The following SLC45A4 variants were observed in gnomAD, a reference collection of about 807,000 sequenced individuals.
SLC45A4 encodes solute carrier family 45 member 4.
Under a neutral mutation model 63.7 loss-of-function variants are expected in SLC45A4, and 32 were observed. The ratio of observed to expected loss-of-function variants is 0.50; its 90% confidence interval spans 0.38 to 0.67. The LOEUF (loss-of-function observed/expected upper bound fraction) is 0.67. Ranked by LOEUF, SLC45A4 falls within the 30% of genes least tolerant of loss-of-function variation. The pLI is 0.00. For synonymous variants in SLC45A4, 535 were observed against 510.0 expected (o/e 1.05, Z -0.66); for missense variants, 1,027 against 1,157.7 (o/e 0.89, Z 1.64).
chr8:141,234,329 G>GGCCA (rs1827511386), intron 2 of SLC45A4, among the ~76,000 whole-genome samples: 1 of 152,218 alleles, frequency 6.6e-6, no homozygotes, highest in African/African-American at 2.4e-5. Context: ...TAGAGACAGA[G>GGCCA]GCCACCTCCT....
intron 1 of SLC45A4, among the ~76,000 whole-genome samples, chr8:141,301,373 T>C (rs999799452): frequency 6.6e-6 from 1 of 152,214 alleles, no homozygotes; most frequent in Non-Finnish European, 1.5e-5. Context: ...AACATTCTTC[T>C]GGATGTTAAC....
At chr8:141,223,402 A>G (rs1826778424) in intron 2 of SLC45A4, among the ~76,000 whole-genome samples, 1 of 152,178 alleles carries the variant, frequency 6.6e-6, no homozygotes, top group Admixed American at 6.5e-5. Flanking sequence ...CAGGAAGCCT[A>G]TTTCTCAGAA....
chr8:141,308,275 C>A lies in SLC45A4; in HGVS notation c.-580G>T, dbSNP rs1830966300. On this transcript the variant is annotated 5_prime_UTR_variant, in exon 1 of 9. Coordinates refer to ENST00000517878, the MANE Select transcript of SLC45A4 (RefSeq NM_001286646.2). ...GTCAGCGACGCGGGCGCGGAGAGAGCGCTGCGAGGCTGCGGCCGGCGCGCG... is the reference window on the plus strand; with the variant it reads ...GTCAGCGACGCGGGCGCGGAGAGAGAGCTGCGAGGCTGCGGCCGGCGCGCG... 1 of 147,390 alleles carries A rather than the reference C, an allele frequency of 6.8e-6. No individual in the cohort carries two copies. The allele number at this position is 147,390 out of a possible 1,614,324, so 9.1% of individuals were successfully genotyped here.
Position 141,256,577 on chromosome 8 carries a change from G to C in SLC45A4, c.-400-1948C>G. ...GTACAGGAGGTTCTGGAAGGAAGCC[G>C]TGCGCCTGGCTCTTACGTCCCAGCT... is the stretch of plus-strand genomic sequence containing the variant. On this transcript the variant is annotated intron_variant, in intron 1 of 8. Transcript: ENST00000517878. This position sits in a 1 kb window ranked among gnomAD's most constrained non-coding sequence, Gnocchi z 4.3. The C allele has an allele frequency of 2.2e-6, 1 of 456,218 alleles. No individual in the cohort carries two copies. The highest frequency in any genetic ancestry group is 4.4e-6 in the Non-Finnish European group (1 of 226,962). 28.3% of individuals were successfully genotyped at this position (456,218 alleles called of 1,614,324 possible).
Position 141,218,844 on chromosome 8 carries a change from C to G in SLC45A4, c.796G>C (p.Ala266Pro), listed in dbSNP as rs139911158. 1.5e-5 allele frequency: 25 copies of G among 1,613,174 alleles called. No homozygotes were observed. The East Asian group carries it at 5.3e-4, about 34-fold the overall frequency. Residue 266 changes from alanine (A) to proline (P), a missense_variant, in exon 5 of 9, where the codon GCT (alanine) becomes CCT (proline). Ala to Pro is a conservative substitution (Grantham distance 27). Coordinates refer to ENST00000517878, the MANE Select transcript of SLC45A4 (RefSeq NM_001286646.2). Reference sequence around the variant, plus strand: ...CCATCCAGGGCGCCGGGCTCCTCAGCGCTGCGCTCCTGCTGCGGGCTGTAC... The same window carrying G: ...CCATCCAGGGCGCCGGGCTCCTCAGGGCTGCGCTCCTGCTGCGGGCTGTAC... The part of the protein sequence containing the change: ...EQYSPQQERS[A>P]EEPGALDGGE...
chr8:141,210,323 C>T lies in SLC45A4; in HGVS notation c.*1249G>A, dbSNP rs1444855892. ...CGGGGCTCCCGCTGGCCGGAGGGCT[C>T]GCAGCAAAGCTGGCAGCACTTTCAG... On this transcript the variant is annotated 3_prime_UTR_variant, in exon 9 of 9. Transcript: ENST00000517878. The T allele has an allele frequency of 2.0e-5, 3 of 152,248 alleles. No homozygotes were observed. The highest frequency in any genetic ancestry group is 3.8e-4 in the East Asian group (2 of 5,204). 9.4% of individuals were successfully genotyped at this position (152,248 alleles called of 1,614,324 possible).
At chr8:141,253,868 G>C in intron 2 of SLC45A4, 121 bp downstream of exon 2, 1 of 1,426,348 alleles carries the variant, frequency 7.0e-7, no homozygotes, top group Middle Eastern at 2.0e-4. Context: ...AGGAGACAAA[G>C]ACTCCAGTGC....
chr8:141,293,224 GCAGGTGGA>G (rs1285314484), intron 1 of SLC45A4, among the ~76,000 whole-genome samples: 1 of 152,200 alleles, frequency 6.6e-6, no homozygotes. Flanking sequence ...GGAGGCTGAG[GCAGGTGGA>G]TCATGAGGTC....
chr8:141,228,237 C>T, intron 2 of SLC45A4: 1 of 1,614,054 alleles, frequency 6.2e-7, no homozygotes, highest in Non-Finnish European at 8.5e-7. Context: ...TTGGACGGGA[C>T]AGCCCTGAGG....
intron 1 of SLC45A4, among the ~76,000 whole-genome samples, chr8:141,267,242 C>G (rs1257802334): frequency 6.6e-6 from 1 of 152,274 alleles, no homozygotes; most frequent in Non-Finnish European, 1.5e-5. Context: ...AGGAATGATA[C>G]CGGGGCAGCA....
At chr8:141,259,760 C>T (rs1048535804) in intron 1 of SLC45A4, among the ~76,000 whole-genome samples, 2 of 152,224 alleles carry the variant, frequency 1.3e-5, no homozygotes, top group Non-Finnish European at 2.9e-5. Flanking sequence ...CCAGATCTCC[C>T]AGCATCGGTC....
intron 1 of SLC45A4, among the ~76,000 whole-genome samples, chr8:141,292,454 C>T (rs574102764): frequency 6.6e-6 from 1 of 152,386 alleles, no homozygotes; most frequent in African/African-American, 2.4e-5. Context: ...GCCCCGCACG[C>T]GCCCAGGGCG....
At chr8:141,232,649 A>G (rs1161190122) in intron 2 of SLC45A4, among the ~76,000 whole-genome samples, 1 of 149,852 alleles carries the variant, frequency 6.7e-6, no homozygotes, top group African/African-American at 2.5e-5. Flanking sequence ...ACAAGCTGCA[A>G]CGGGAACACA....
chr8:141,213,187 T>C (rs1413799277), intron 7 of SLC45A4, among the ~76,000 whole-genome samples: 1 of 121,712 alleles, frequency 8.2e-6, no homozygotes, highest in Non-Finnish European at 1.7e-5. Context: ...GAGAGATGGT[T>C]ATCTACCTTT....
intron 2 of SLC45A4, chr8:141,224,653 T>TA (rs1374169850): frequency 1.3e-5 from 2 of 152,338 alleles, no homozygotes; most frequent in African/African-American, 4.8e-5. Context: ...GGTTTTGCCA[T>TA]GCTGGCCAGG....
chr8:141,263,378 TAAAAAAAGAAGAA>T (rs1399091582), intron 1 of SLC45A4, among the ~76,000 whole-genome samples: 1 of 125,190 alleles, frequency 8.0e-6, no homozygotes, highest in Non-Finnish European at 1.7e-5. Flanking sequence ...AATAAAATTT[TAAAAAAAGAAGAA>T]GAAAAAAGAA....
At chr8:141,275,041 C>T (rs1349185989) in intron 1 of SLC45A4, among the ~76,000 whole-genome samples, 1 of 152,232 alleles carries the variant, frequency 6.6e-6, no homozygotes, top group African/African-American at 2.4e-5. Context: ...CTCTACGGGG[C>T]GTGGCGCCGG....
chr8:141,222,074 G>A (rs1301855659), intron 2 of SLC45A4, among the ~76,000 whole-genome samples: 4 of 143,804 alleles, frequency 2.8e-5, no homozygotes, highest in African/African-American at 5.2e-5. Context: ...GGCACATGGA[G>A]GGCGCCCCGC....
intron 1 of SLC45A4, among the ~76,000 whole-genome samples, chr8:141,259,315 G>A (rs1015708230): frequency 6.6e-6 from 1 of 152,224 alleles, no homozygotes; most frequent in African/African-American, 2.4e-5. Context: ...GACCCAGCCC[G>A]CCAGTGATGG....
Sources: gnomAD v4.1 joint callset for allele counts (sites outside exome capture counted in the v4.1 genomes callset) on GRCh38, gnomAD v4.1.1 for gene constraint, Gnocchi (gnomAD v3.1) non-coding constraint, MANE v1.5 for transcripts, NCBI Gene and HGNC (gene_info 2026-07-23, HGNC 2026-07-21) for gene names.